The following R3HCC1L variants were observed in gnomAD, a reference collection of about 807,000 sequenced individuals.
R3HCC1L encodes coiled-coil domain-containing protein R3HCC1L.
Under a neutral mutation model 59.9 loss-of-function variants are expected in R3HCC1L, and 51 were observed. The ratio of observed to expected loss-of-function variants is 0.85; its 90% CI spans 0.68 to 1.07. R3HCC1L has a LOEUF of 1.07. Ranked by LOEUF, R3HCC1L falls within the 50% of genes least tolerant of loss-of-function variation. R3HCC1L has a pLI of 0.00. For synonymous variants in R3HCC1L, 322 were observed against 315.2 expected, an observed-to-expected ratio of 1.02 and a Z score of -0.23; for missense variants, 965 against 933.0, an observed-to-expected ratio of 1.03 and a Z score of -0.45.
chr10:98,189,678 G>GAAAT (rs1184088701), intron 4 of R3HCC1L, among the ~76,000 whole-genome samples: 3 of 152,160 alleles, frequency 2.0e-5, no homozygotes, highest in Non-Finnish European at 4.4e-5. Flanking sequence ...TTTCAAGTGT[G>GAAAT]AAATATATCA....
chr10:98,219,329 A>T, intron 5 of R3HCC1L, among the ~76,000 whole-genome samples: 1 of 152,178 alleles, frequency 6.6e-6, no homozygotes, highest in East Asian at 1.9e-4. Flanking sequence ...TCCAGGCAAT[A>T]TGTGTCTACA....
At chr10:98,158,360 T>C (rs1280249317) in intron 2 of R3HCC1L, among the ~76,000 whole-genome samples, 1 of 152,250 alleles carries the variant, frequency 6.6e-6, no homozygotes, top group East Asian at 1.9e-4. Flanking sequence ...TTTACTTGAT[T>C]GTACATTATG....
At chr10:98,209,920 T>G in intron 5 of R3HCC1L, 21 bp downstream of exon 5, 9 of 1,566,086 alleles carry the variant, frequency 5.7e-6, no homozygotes, top group Non-Finnish European at 7.9e-6. Flanking sequence ...TTGAAATTGC[T>G]TGATGCTTAG....
At chr10:98,201,957 A>T (rs1342609556) in intron 4 of R3HCC1L, among the ~76,000 whole-genome samples, 1 of 150,018 alleles carries the variant, frequency 6.7e-6, no homozygotes, top group African/African-American at 2.5e-5. Context: ...TTGTTCATCC[A>T]CAGGCACAGT....
intron 1 of R3HCC1L, among the ~76,000 whole-genome samples, chr10:98,140,678 G>T (rs1009465361): frequency 6.6e-6 from 1 of 152,070 alleles, no homozygotes; most frequent in African/African-American, 2.4e-5. Context: ...TTTATAGTTG[G>T]CTAGGAAAGG....
chr10:98,240,220 C>T (rs944999190), intron 9 of R3HCC1L, among the ~76,000 whole-genome samples: 36 of 152,270 alleles, frequency 2.4e-4, no homozygotes, highest in African/African-American at 6.3e-4. Context: ...GCAGGAGAAT[C>T]GCTTGAACCT....
intron 9 of R3HCC1L, among the ~76,000 whole-genome samples, chr10:98,242,307 C>T (rs899676434): frequency 6.6e-6 from 1 of 152,142 alleles, no homozygotes; most frequent in Non-Finnish European, 1.5e-5. Context: ...CAAGATCACA[C>T]CACTGCACTC....
At chr10:98,213,771 A>T (rs1853858251) in intron 5 of R3HCC1L, among the ~76,000 whole-genome samples, 1 of 152,056 alleles carries the variant, frequency 6.6e-6, no homozygotes, top group Admixed American at 6.6e-5. Flanking sequence ...TGTCGTTCTA[A>T]TTTTTTTCAC....
At chr10:98,195,076 T>C (rs1464675416) in intron 4 of R3HCC1L, among the ~76,000 whole-genome samples, 1 of 152,180 alleles carries the variant, frequency 6.6e-6, no homozygotes, top group Admixed American at 6.5e-5. Flanking sequence ...TAAGTGTTCA[T>C]CAGTGGATGA....
At chr10:98,135,740 T>C (rs1267869581) in intron 1 of R3HCC1L, among the ~76,000 whole-genome samples, 1 of 152,206 alleles carries the variant, frequency 6.6e-6, no homozygotes. Flanking sequence ...ATTTAGACTC[T>C]TCTTCCTCAG....
At chr10:98,243,773 C>T (rs1857788739) in intron 9 of R3HCC1L, among the ~76,000 whole-genome samples, 1 of 152,166 alleles carries the variant, frequency 6.6e-6, no homozygotes, top group Non-Finnish European at 1.5e-5. Context: ...AAGCACTAAA[C>T]ATAGTTGAAA....
At chr10:98,236,228 A>C (rs2135705825) in intron 9 of R3HCC1L, 64 bp downstream of exon 9, 1 of 1,562,358 alleles carries the variant, frequency 6.4e-7, no homozygotes, top group East Asian at 2.3e-5. Context: ...CATGTGTTTA[A>C]AAAAAAATGA....
intron 4 of R3HCC1L, among the ~76,000 whole-genome samples, chr10:98,180,272 G>A (rs554293956): frequency 1.7e-4 from 26 of 152,204 alleles, no homozygotes; most frequent in Admixed American, 1.4e-3. Context: ...GTTCCCATTG[G>A]TTTCAAAGAA....
rs552360534 is a variant in R3HCC1L at position 98,211,297 on chromosome 10, A to G, written c.1785+1398A>G. 2.0e-6 allele frequency: 3 copies of G among 1,490,460 alleles called. No homozygotes were observed. In the Admixed American group the frequency reaches 5.9e-5, roughly 29 times the overall value. The allele number at this position is 1,490,460 out of a possible 1,614,324, so 92.3% of individuals were successfully genotyped here. ...TAGCCCAGCAAACTGTCTATTTACA[A>G]CTTTTTCAGGGGATTCTGATGCACA... On this transcript the variant is annotated intron_variant, in intron 5 of 9. Transcript: ENST00000298999.
At chr10:98,206,611 A>T (rs77573910) in intron 4 of R3HCC1L, among the ~76,000 whole-genome samples, 1 of 112,370 alleles carries the variant, frequency 8.9e-6, no homozygotes, top group African/African-American at 3.2e-5. Context: ...TATTATTATT[A>T]TTTTTTGTTT....
intron 4 of R3HCC1L, among the ~76,000 whole-genome samples, chr10:98,166,428 A>G (rs1010850712): frequency 6.6e-6 from 1 of 152,202 alleles, no homozygotes; most frequent in African/African-American, 2.4e-5. Flanking sequence ...AGTCTCCAAA[A>G]TAACACTCTG....
At chr10:98,219,190 G>A (rs578123930) in intron 5 of R3HCC1L, among the ~76,000 whole-genome samples, 7 of 152,320 alleles carry the variant, frequency 4.6e-5, no homozygotes, top group Admixed American at 6.5e-5. Flanking sequence ...GGGATTACAG[G>A]TGTGAGCCAC....
At chr10:98,194,801 G>A (rs1851244922) in intron 4 of R3HCC1L, among the ~76,000 whole-genome samples, 1 of 152,108 alleles carries the variant, frequency 6.6e-6, no homozygotes, top group African/African-American at 2.4e-5. Context: ...CGCCATCAAA[G>A]AAGAAACAGA....
intron 4 of R3HCC1L, among the ~76,000 whole-genome samples, chr10:98,183,764 T>G (rs539624418): frequency 6.6e-5 from 10 of 152,280 alleles, no homozygotes; most frequent in African/African-American, 2.4e-4. Context: ...TATATTTTTA[T>G]TTCTAGCATT....
Sources: gnomAD v4.1 joint callset for allele counts (sites outside exome capture counted in the v4.1 genomes callset) on GRCh38, gnomAD v4.1.1 for gene constraint, MANE v1.5 for transcripts, NCBI Gene and HGNC (gene_info 2026-07-23, HGNC 2026-07-21) for gene names.